Variants in CHD9 observed in about 807,000 individuals in gnomAD.
The protein encoded by CHD9 is chromodomain helicase DNA binding protein 9, also known as ATP-dependent chromatin remodeler CHD9.
CHD9 carries 77 observed loss-of-function variants against 316.1 expected under a neutral mutation model. The observed-to-expected ratio is 0.24, with a 90% confidence interval of 0.20 to 0.29. The LOEUF is 0.29. CHD9 is among the 10% of genes least tolerant of loss of function. The probability of loss-of-function intolerance (pLI) is 1.00; values close to 1 mark genes in which losing one functional copy is unlikely to be tolerated. For synonymous variants in CHD9, 1,129 were observed against 1,158.3 expected, an observed-to-expected ratio of 0.97 and a Z score of 0.51; for missense variants, 2,763 against 3,438.1, an observed-to-expected ratio of 0.80 and a Z score of 4.91.
At chr16:53,263,288 G>T (rs1035637338) in intron 20 of CHD9, among the ~76,000 whole-genome samples, 191 bp downstream of exon 20, 1 of 152,038 alleles carries the variant, frequency 6.6e-6, no homozygotes, top group African/African-American at 2.4e-5. Context: ...CCCATGATGG[G>T]TTATCCCTAC....
At chr16:53,095,512 G>T (rs2036303020) in intron 1 of CHD9, among the ~76,000 whole-genome samples, 1 of 151,766 alleles carries the variant, frequency 6.6e-6, no homozygotes, top group African/African-American at 2.4e-5. Context: ...TAGTGCCACT[G>T]CACTCCAACT....
chr16:53,212,007 A>G, intron 3 of CHD9, among the ~76,000 whole-genome samples: 1 of 152,162 alleles, frequency 6.6e-6, no homozygotes, highest in East Asian at 1.9e-4. Context: ...TTATTTTTCT[A>G]TTAATTTTAG....
At chr16:53,209,980 C>T (rs1567484290) in intron 3 of CHD9, among the ~76,000 whole-genome samples, 167 bp downstream of exon 3, 1 of 151,968 alleles carries the variant, frequency 6.6e-6, no homozygotes, top group Non-Finnish European at 1.5e-5. Flanking sequence ...GATAATATTC[C>T]AGGATCTCCC....
intron 19 of CHD9, among the ~76,000 whole-genome samples, chr16:53,256,310 T>C (rs1412415673): frequency 6.6e-6 from 1 of 151,788 alleles, no homozygotes; most frequent in African/African-American, 2.4e-5. Context: ...GAAACATTAA[T>C]AACTCTATAC....
intron 15 of CHD9, 141 bp from the exon 16 acceptor site, chr16:53,247,152 A>G (rs2049706515): frequency 3.2e-6 from 2 of 629,230 alleles, no homozygotes; most frequent in Non-Finnish European, 5.5e-6. Flanking sequence ...AGCTTAAATA[A>G]TTCTAATAAA....
At chr16:53,152,777 A>G (rs1474053410) in intron 1 of CHD9, among the ~76,000 whole-genome samples, 2 of 152,216 alleles carry the variant, frequency 1.3e-5, no homozygotes, top group Admixed American at 6.5e-5. Context: ...AGGTAGTGAT[A>G]TATAATTAAT....
intron 17 of CHD9, among the ~76,000 whole-genome samples, chr16:53,251,549 T>A (rs1289794178): frequency 6.6e-6 from 1 of 152,172 alleles, no homozygotes; most frequent in Non-Finnish European, 1.5e-5. Context: ...TGGATGTGGA[T>A]AGAATAAAAG....
intron 2 of CHD9, among the ~76,000 whole-genome samples, chr16:53,166,798 A>G (rs769817262): frequency 3.3e-5 from 5 of 152,106 alleles, no homozygotes; most frequent in Admixed American, 1.3e-4. Context: ...CACATTTACT[A>G]TGTAAGGAAT....
chr16:53,254,439 C>T lies in CHD9; in HGVS notation c.3863C>T (p.Ala1288Val). The T allele has an allele frequency of 6.4e-7, 1 of 1,563,518 alleles. No individual in the cohort carries two copies. Among genetic ancestry groups the T allele is most frequent in the Middle Eastern group, 1.7e-4 (1 of 5,870 alleles). Reference sequence around the variant, plus strand: ...ATATGTAACTTTTCATTTTTATAGGCCCAAGCTCGTTGCCACAGAATTGGT... The same window carrying T: ...ATATGTAACTTTTCATTTTTATAGGTCCAAGCTCGTTGCCACAGAATTGGT... ...SDWNPQNDLQAQARCHRIGQN... is the reference protein window; with the variant it reads ...SDWNPQNDLQVQARCHRIGQN... The change falls in exon 18 of 39, where the codon GCC (alanine) becomes GTC (valine). Residue 1288 changes from alanine to valine, a missense_variant and splice_region_variant. Transcript: ENST00000447540.
rs2049991413 is a variant in CHD9, at chr16:53,249,939, G to A, written c.3734G>A (p.Ser1245Asn). Residue 1245 changes from serine (S) to asparagine (N), a missense_variant, in exon 17 of 39, where the codon AGT becomes AAT. Physicochemically the swap from Ser to Asn is conservative, Grantham distance 46. Transcript: ENST00000447540. Reference protein sequence around the residue: ...NLRQAAIDRFSKPDSDRFVFL... With the variant: ...NLRQAAIDRFNKPDSDRFVFL... ...CGGCAAGCTGCTATAGATAGATTTA[G>A]TAAACCTGATTCAGATAGATTTGTT... 2 of 1,613,696 alleles carry A rather than the reference G, an allele frequency of 1.2e-6. No individual in the cohort carries two copies. Among genetic ancestry groups the A allele is most frequent in the Non-Finnish European group, 1.7e-6 (2 of 1,179,804 alleles).
chr16:53,092,649 T>C (rs2036048642), intron 1 of CHD9, among the ~76,000 whole-genome samples: 1 of 152,038 alleles, frequency 6.6e-6, no homozygotes, highest in African/African-American at 2.4e-5. Context: ...CTACCCACCC[T>C]AAATCCCATC....
intron 1 of CHD9, among the ~76,000 whole-genome samples, chr16:53,060,881 A>T (rs1391063171): frequency 6.8e-6 from 1 of 146,114 alleles, no homozygotes; most frequent in Non-Finnish European, 1.5e-5. Context: ...TGATTGCACC[A>T]CCGCACTCCA....
chr16:53,130,370 C>G (rs1308887416), intron 1 of CHD9, among the ~76,000 whole-genome samples: 1 of 152,084 alleles, frequency 6.6e-6, no homozygotes, highest in Non-Finnish European at 1.5e-5. Context: ...TCGGCGGACC[C>G]GAGCTGCCCG....
rs767702893 is a variant in CHD9, at chr16:53,255,696, G to A, written c.4126G>A (p.Glu1376Lys). Residue 1376 changes from glutamate to lysine, a missense_variant, in exon 19 of 39, where the codon GAA becomes AAA. Physicochemically the swap from Glu to Lys is moderately conservative, Grantham distance 56. Coordinates refer to ENST00000447540, the MANE Select transcript of CHD9 (RefSeq NM_001308319.2). ...AGAAGATGAAGGCTCTAAATTCTGC[G>A]AAGAGGATATCGATCAGATTTTACT... Reference protein sequence around the residue: ...EEEDEGSKFCEEDIDQILLRR... With the variant: ...EEEDEGSKFCKEDIDQILLRR... 3.7e-6 allele frequency: 6 copies of A among 1,613,738 alleles called. No homozygotes were observed. The highest frequency in any genetic ancestry group is 5.1e-6 in the Non-Finnish European group (6 of 1,179,788).
Position 53,056,924 on chromosome 16 carries a change from G to C in CHD9, c.-165+1847G>C, listed in dbSNP as rs577799727. 1.8e-4 allele frequency among the ~76,000 whole-genome samples: 28 copies of C among 152,200 alleles called. No homozygotes were observed. The South Asian group carries it at 5.6e-3, about 30-fold the overall frequency. ...GCACTTTGAGAGGCTGAGGCAGGAG[G>C]ATCGCTTGAGGCTAGGAGTTTCAGA... On this transcript the variant is annotated intron_variant, in intron 1 of 38. Transcript: ENST00000447540.
At chr16:53,121,317 G>C (rs1336140026) in intron 1 of CHD9, 1 of 455,944 alleles carries the variant, frequency 2.2e-6, no homozygotes, top group Admixed American at 2.3e-5. Context: ...TTCTCCAGGA[G>C]TGCTTATGTT....
intron 1 of CHD9, among the ~76,000 whole-genome samples, chr16:53,147,855 C>G (rs977659253): frequency 6.6e-6 from 1 of 152,006 alleles, no homozygotes; most frequent in Non-Finnish European, 1.5e-5. Flanking sequence ...TAGTATGTAC[C>G]TAGGAGTGAT....
chr16:53,266,572 A>C (rs1449244560), intron 20 of CHD9, among the ~76,000 whole-genome samples: 1 of 152,170 alleles, frequency 6.6e-6, no homozygotes, highest in Non-Finnish European at 1.5e-5. Context: ...TTATATCATA[A>C]AAAATTTCAT....
rs765669371 is a variant in CHD9 at position 53,263,097 on chromosome 16, A to T, written c.4320A>T (p.Arg1440Ser). Residue 1440 changes from arginine to serine, a missense_variant and splice_region_variant, in exon 20 of 39, where the codon AGA becomes AGT. Arg to Ser is a moderately radical substitution (Grantham distance 110, BLOSUM62 -1). Coordinates refer to ENST00000447540, the MANE Select transcript of CHD9 (RefSeq NM_001308319.2). ...AEIDIEAISG[R>S]NSLVIDTPRI... ...TAGATATAGAGGCCATCAGTGGCAGAGTAAGTATTTTTATCCCTCTAAAAT... is the reference window on the plus strand; with the variant it reads ...TAGATATAGAGGCCATCAGTGGCAGTGTAAGTATTTTTATCCCTCTAAAAT... 45 of 1,606,250 alleles carry T rather than the reference A, an allele frequency of 2.8e-5. No homozygotes were observed. The highest frequency in any genetic ancestry group is 3.8e-5 in the Non-Finnish European group (45 of 1,174,550).
Sources: gnomAD v4.1 joint callset for allele counts (sites outside exome capture counted in the v4.1 genomes callset) on GRCh38, gnomAD v4.1.1 for gene constraint, MANE v1.5 for transcripts, NCBI Gene and HGNC (gene_info 2026-07-23, HGNC 2026-07-21) for gene names.